The following EPB41L3 variants were observed in gnomAD, a reference collection of about 807,000 sequenced individuals.
The protein encoded by EPB41L3 is band 4.1-like protein 3.
EPB41L3 carries 57 observed loss-of-function variants against 127.1 expected under a neutral mutation model. That is an observed-to-expected ratio of 0.45 (90% confidence interval 0.36 to 0.56). EPB41L3 has a LOEUF of 0.56. EPB41L3 is among the 20% of genes least tolerant of loss of function. The pLI, the probability that EPB41L3 is intolerant of heterozygous loss-of-function variation, is 0.00. For missense variants in EPB41L3, 1,273 were observed against 1,372.2 expected, an observed-to-expected ratio of 0.93 and a Z score of 1.14; for synonymous variants, 572 against 549.5, an observed-to-expected ratio of 1.04 and a Z score of -0.57.
At chr18:5,550,821 A>C (rs2093953790) in intron 3 of EPB41L3, among the ~76,000 whole-genome samples, 1 of 152,188 alleles carries the variant, frequency 6.6e-6, no homozygotes, top group Non-Finnish European at 1.5e-5. Context: ...ATGAAGGAAC[A>C]CTCATGTACA....
intron 2 of EPB41L3, among the ~76,000 whole-genome samples, chr18:5,613,314 A>G (rs7241283): frequency 0.15 from 22,105 of 152,228 alleles, 2,653 homozygotes; most frequent in African/African-American, 0.33. Context: ...ACCTTTGAGA[A>G]ACACAAAGCC....
chr18:5,545,871 CTCTG>C (rs763210911), upstream of EPB41L3, among the ~76,000 whole-genome samples: 1,109 of 93,374 alleles, frequency 0.012, 8 homozygotes, highest in Non-Finnish European at 0.011. Context: ...ACCTGTATGA[CTCTG>C]TGTGTGTGTG....
intron 1 of EPB41L3, among the ~76,000 whole-genome samples, chr18:5,627,864 A>C (rs1253518269): frequency 6.6e-6 from 1 of 152,218 alleles, no homozygotes; most frequent in Non-Finnish European, 1.5e-5. Flanking sequence ...CGTTTTCCTA[A>C]GGTACTACAC....
intron 1 of EPB41L3, among the ~76,000 whole-genome samples, chr18:5,520,824 C>G (rs1187262025): frequency 6.6e-6 from 1 of 152,280 alleles, no homozygotes; most frequent in Admixed American, 6.5e-5. Context: ...AATGGAAGCA[C>G]TGAATAAGAT....
At chr18:5,407,002 T>C in intron 15 of EPB41L3, 34 bp from the exon 16 acceptor site, 4 of 1,579,132 alleles carry the variant, frequency 2.5e-6, no homozygotes, top group Non-Finnish European at 3.5e-6. Flanking sequence ...CAACAGTCAA[T>C]GTTTTACATT....
Position 5,445,146 on chromosome 18 carries a change from GT to G in EPB41L3, c.479del (p.Asn160ThrfsTer12). On this transcript the variant is annotated frameshift_variant, in exon 4 of 23. Coordinates refer to ENST00000341928, the MANE Select transcript of EPB41L3 (RefSeq NM_012307.5). LOFTEE classifies it high-confidence loss of function. The stretch of plus-strand genomic sequence containing the variant: ...ATTGCTTTTGATCACTCACCTTCTG[GT>G]TTTCAGCATCTCGATACGTAAGCCC... ...YFGLTYRDAE[N>X]QKNWLDPAKE... is the part of the protein sequence containing the mutation. The G allele has an allele frequency of 6.2e-7, 1 of 1,613,576 alleles. No homozygotes were observed. Among genetic ancestry groups the G allele is most frequent in the Non-Finnish European group, 8.5e-7 (1 of 1,179,618 alleles).
chr18:5,486,977 A>G (rs1434917394), intron 2 of EPB41L3, among the ~76,000 whole-genome samples: 2 of 152,228 alleles, frequency 1.3e-5, no homozygotes, highest in Admixed American at 6.5e-5. Flanking sequence ...ATTACTGGAT[A>G]TATGTCCAGA....
At position 5,423,478 on chromosome 18, in the gene EPB41L3, T is replaced by A; in HGVS notation, c.1239A>T (p.Gln413His). ...ACGCACTGGCTCTTCTCGTTTGCGC[T>A]TGTGTCCTGCCACTATAACGAAACT... The part of the protein sequence containing the change: ...GSKFRYSGRT[Q>H]AQTRRASALI... The change falls in exon 11 of 23, where the codon CAA (glutamine) becomes CAT (histidine). Residue 413 changes from glutamine to histidine, a missense_variant. Gln to His is a conservative substitution (Grantham distance 24). This residue lies in a region of EPB41L3 where 326 missense variants were observed against 440.2 expected (regional missense o/e 0.74). Transcript: ENST00000341928. The A allele has an allele frequency of 6.2e-7, 1 of 1,614,036 alleles. No individual in the cohort carries two copies. Among genetic ancestry groups the A allele is most frequent in the Non-Finnish European group, 8.5e-7 (1 of 1,179,948 alleles).
chr18:5,515,170 C>T (rs2092700869), intron 1 of EPB41L3, among the ~76,000 whole-genome samples: 1 of 152,192 alleles, frequency 6.6e-6, no homozygotes, highest in Non-Finnish European at 1.5e-5. Flanking sequence ...CAAGCCTTTC[C>T]TAACACTTTC....
At chr18:5,541,844 T>A (rs2093739069) in intron 1 of EPB41L3, among the ~76,000 whole-genome samples, 1 of 152,228 alleles carries the variant, frequency 6.6e-6, no homozygotes. Flanking sequence ...CAAATTAAAG[T>A]GGCTACTCTT....
intron 1 of EPB41L3, among the ~76,000 whole-genome samples, chr18:5,621,427 C>G (rs185784881): frequency 7.9e-5 from 12 of 152,198 alleles, no homozygotes; most frequent in African/African-American, 2.9e-4. Context: ...ACATTTGTAT[C>G]CACTATGAAC....
At chr18:5,460,378 G>A (rs900160986) in intron 3 of EPB41L3, among the ~76,000 whole-genome samples, 2 of 152,158 alleles carry the variant, frequency 1.3e-5, no homozygotes, top group Non-Finnish European at 2.9e-5. Flanking sequence ...GAACTAGGAA[G>A]TCCATTTTGG....
chr18:5,486,484 C>T (rs917200472), intron 2 of EPB41L3, among the ~76,000 whole-genome samples: 1 of 151,798 alleles, frequency 6.6e-6, no homozygotes, highest in South Asian at 2.1e-4. Flanking sequence ...CAAAAATAGA[C>T]AAATGGGATT....
Position 5,501,180 on chromosome 18 carries a change from TAGAAAAA to T in EPB41L3, c.-11-11993_-11-11987del, listed in dbSNP as rs986476573. ...CGCTACAGAAAAGAAATAAAATACA[TAGAAAAA>T]TTCCAGGTATTCTATTATTGTTTCT... On this transcript the variant is annotated intron_variant, in intron 1 of 22. Transcript: ENST00000341928. Among the ~76,000 whole-genome samples, 11 of 152,158 alleles carry T rather than the reference TAGAAAAA, an allele frequency of 7.2e-5. No individual in the cohort carries two copies. In the South Asian group the frequency reaches 1.7e-3, roughly 23 times the overall value.
intron 3 of EPB41L3, among the ~76,000 whole-genome samples, chr18:5,596,281 A>G (rs778273997): frequency 1.3e-5 from 2 of 152,236 alleles, no homozygotes; most frequent in African/African-American, 2.4e-5. Context: ...ATGCTTCTGT[A>G]GGTCCTGGGG....
At chr18:5,553,480 G>T (rs1265510150) in intron 3 of EPB41L3, among the ~76,000 whole-genome samples, 11 of 152,134 alleles carry the variant, frequency 7.2e-5, no homozygotes, top group Non-Finnish European at 1.6e-4. Context: ...ATTACATAAG[G>T]TTCCCTTGGA....
At chr18:5,549,456 T>C (rs1002355848) in intron 3 of EPB41L3, among the ~76,000 whole-genome samples, 1 of 152,208 alleles carries the variant, frequency 6.6e-6, no homozygotes, top group South Asian at 2.1e-4. Context: ...TTATTAGGGA[T>C]TTGTCTGATA....
At chr18:5,406,492 C>T (rs548888177) in intron 16 of EPB41L3, among the ~76,000 whole-genome samples, 10 of 152,164 alleles carry the variant, frequency 6.6e-5, no homozygotes, top group Admixed American at 2.0e-4. Context: ...TGATTTCTCT[C>T]AGCTATAAAT....
chr18:5,452,452 C>T (rs1355082552), intron 3 of EPB41L3, among the ~76,000 whole-genome samples: 2 of 151,564 alleles, frequency 1.3e-5, no homozygotes, highest in African/African-American at 4.9e-5. Context: ...CTCACTGCAG[C>T]CTTGACCTCC....
Sources: allele counts gnomAD v4.1 joint callset (sites outside exome capture counted in the v4.1 genomes callset), GRCh38; gene constraint gnomAD v4.1.1; regional missense constraint gnomAD v4.1.1; transcripts MANE v1.5; gene names NCBI Gene and HGNC (gene_info 2026-07-23, HGNC 2026-07-21).